Variants in GRM7 observed in about 807,000 individuals in gnomAD.
GRM7 encodes glutamate metabotropic receptor 7.
Under a neutral mutation model 84.5 loss-of-function variants are expected in GRM7, and 35 were observed. The ratio of observed to expected loss-of-function variants is 0.41; its 90% CI spans 0.32 to 0.55. The LOEUF (loss-of-function observed/expected upper bound fraction) is 0.55. Ranked by LOEUF, GRM7 falls within the 20% of genes least tolerant of loss-of-function variation. The pLI is 0.19. For synonymous variants in GRM7, 487 were observed against 455.1 expected, an observed-to-expected ratio of 1.07 and a Z score of -0.89; for missense variants, 1,003 against 1,194.6, an observed-to-expected ratio of 0.84 and a Z score of 2.36.
chr3:7,038,968 A>G (rs1420708590), intron 1 of GRM7, among the ~76,000 whole-genome samples: 2 of 152,126 alleles, frequency 1.3e-5, no homozygotes, highest in African/African-American at 2.4e-5. Context: ...TACATATGCA[A>G]ATTCTCAGGC....
At chr3:7,076,474 G>T (rs565439305) in intron 1 of GRM7, among the ~76,000 whole-genome samples, 2 of 152,036 alleles carry the variant, frequency 1.3e-5, no homozygotes, top group South Asian at 2.1e-4. Context: ...CCTGTCTCTC[G>T]CCTGCTGCCA....
intron 9 of GRM7, among the ~76,000 whole-genome samples, chr3:7,715,548 T>C (rs1185723379): frequency 6.6e-6 from 1 of 152,214 alleles, no homozygotes; most frequent in South Asian, 2.1e-4. Context: ...GCTTACTAAA[T>C]GTCTACTAAG....
At chr3:7,076,454 C>A (rs1698082067) in intron 1 of GRM7, among the ~76,000 whole-genome samples, 1 of 152,076 alleles carries the variant, frequency 6.6e-6, no homozygotes, top group Non-Finnish European at 1.5e-5. Context: ...GGAAGTTTTT[C>A]CCCTGCTTTC....
At chr3:7,642,001 G>A (rs771608750) in intron 8 of GRM7, among the ~76,000 whole-genome samples, 18 of 151,450 alleles carry the variant, frequency 1.2e-4, no homozygotes, top group East Asian at 7.8e-4. Flanking sequence ...TAAATACATC[G>A]TACCACCTGT....
intron 4 of GRM7, among the ~76,000 whole-genome samples, chr3:7,369,412 A>AT (rs35867631): frequency 3.4e-4 from 51 of 147,862 alleles, no homozygotes; most frequent in South Asian, 6.4e-4. Context: ...GCACACATTC[A>AT]TTTTTTTTTT....
chr3:7,331,240 G>T (rs923899172), intron 4 of GRM7, among the ~76,000 whole-genome samples: 2 of 152,152 alleles, frequency 1.3e-5, no homozygotes, highest in Admixed American at 6.6e-5. Flanking sequence ...AGGCATGAAG[G>T]CTTATGGCCA....
intron 1 of GRM7, among the ~76,000 whole-genome samples, chr3:7,145,039 A>G (rs190427065): frequency 2.6e-5 from 4 of 152,346 alleles, no homozygotes; most frequent in Non-Finnish European, 4.4e-5. Flanking sequence ...TACGGAGGCG[A>G]TAACTAGCCT....
At chr3:7,541,717 G>A (rs1171261317) in intron 7 of GRM7, among the ~76,000 whole-genome samples, 1 of 152,156 alleles carries the variant, frequency 6.6e-6, no homozygotes, top group African/African-American at 2.4e-5. Flanking sequence ...TCCCTTGGCT[G>A]CCTTGGCTTG....
At chr3:7,685,730 T>C (rs557433225) in intron 9 of GRM7, among the ~76,000 whole-genome samples, 1 of 151,788 alleles carries the variant, frequency 6.6e-6, no homozygotes, top group East Asian at 1.9e-4. Context: ...TGTGCTGTTC[T>C]CAACAAAATA....
chr3:7,716,818 T>C lies in GRM7; in HGVS notation c.2699-23539T>C, dbSNP rs28397643. ...CAATTCCAATAACATTTTGATTAAG[T>C]AGTGAGCAAGGGAAATTGTGTGCTT... On this transcript the variant is annotated intron_variant, in intron 9 of 9. Transcript: ENST00000357716. Among the ~76,000 whole-genome samples the C allele has an allele frequency of 4.3e-3, 655 of 152,344 alleles. 13 individuals carry two copies. The East Asian group carries it at 0.08, about 19-fold the overall frequency.
chr3:7,001,189 A>AT (rs1199316363), intron 1 of GRM7, among the ~76,000 whole-genome samples: 2 of 152,030 alleles, frequency 1.3e-5, no homozygotes, highest in South Asian at 2.1e-4. Context: ...CCACAAAAAG[A>AT]TTTTTTTAAA....
intron 4 of GRM7, among the ~76,000 whole-genome samples, chr3:7,413,025 G>A (rs73810629): frequency 1.7e-3 from 261 of 151,936 alleles, no homozygotes; most frequent in African/African-American, 6.2e-3. Context: ...TATTAATAGA[G>A]TTATTCTAAT....
At chr3:7,399,194 T>TAAG (rs1275539798) in intron 4 of GRM7, among the ~76,000 whole-genome samples, 1 of 145,658 alleles carries the variant, frequency 6.9e-6, no homozygotes, top group East Asian at 2.0e-4. Flanking sequence ...ATAATAATAA[T>TAAG]AATAATAATA....
chr3:7,670,659 A>AT (rs57250957), intron 8 of GRM7, among the ~76,000 whole-genome samples: 152,333 of 152,334 alleles, frequency 1, 76,166 homozygotes, highest in Middle Eastern at 1. Flanking sequence ...ATTTGGCAAG[A>AT]TTGACAGCAT....
At chr3:7,368,119 C>G (rs1263427331) in intron 4 of GRM7, among the ~76,000 whole-genome samples, 1 of 151,916 alleles carries the variant, frequency 6.6e-6, no homozygotes, top group Non-Finnish European at 1.5e-5. Context: ...AAGACCATCA[C>G]ACCTTAGGAA....
chr3:7,065,903 A>G (rs932732757), intron 1 of GRM7, among the ~76,000 whole-genome samples: 2 of 151,874 alleles, frequency 1.3e-5, no homozygotes, highest in Admixed American at 1.3e-4. Context: ...AAATACATGG[A>G]AATTAAATAA....
At chr3:6,966,272 G>C (rs1277874542) in intron 1 of GRM7, among the ~76,000 whole-genome samples, 1 of 152,146 alleles carries the variant, frequency 6.6e-6, no homozygotes, top group African/African-American at 2.4e-5. Flanking sequence ...GGAGGTGAAA[G>C]AGTTGTGACA....
chr3:7,132,740 A>G (rs1010167521), intron 1 of GRM7, among the ~76,000 whole-genome samples: 1 of 152,220 alleles, frequency 6.6e-6, no homozygotes, highest in African/African-American at 2.4e-5. Flanking sequence ...GTGGTCTTTT[A>G]CAATGAGAAT....
At chr3:6,918,256 A>G (rs1007594025) in intron 1 of GRM7, among the ~76,000 whole-genome samples, 2 of 152,196 alleles carry the variant, frequency 1.3e-5, no homozygotes, top group Admixed American at 6.5e-5. Flanking sequence ...TCAGGAGGGA[A>G]TACAGCAGGG....
Sources: gnomAD v4.1 joint callset for allele counts (sites outside exome capture counted in the v4.1 genomes callset) on GRCh38, gnomAD v4.1.1 for gene constraint, MANE v1.5 for transcripts, NCBI Gene and HGNC (gene_info 2026-07-23, HGNC 2026-07-21) for gene names.